The following PEX5 variants were observed in gnomAD, a reference collection of about 807,000 sequenced individuals.
PEX5 encodes PTS1 receptor.
In PEX5, 52 loss-of-function variants were observed where a neutral mutation model predicts 82.9. The ratio of observed to expected loss-of-function variants is 0.63; its 90% CI spans 0.50 to 0.79. The LOEUF (loss-of-function observed/expected upper bound fraction) is 0.79. Ranked by LOEUF, PEX5 falls within the 30% of genes least tolerant of loss-of-function variation. The probability of loss-of-function intolerance (pLI) is 0.00; values close to 1 mark genes in which losing one functional copy is unlikely to be tolerated. For missense variants in PEX5, 719 were observed against 815.2 expected, an observed-to-expected ratio of 0.88 and a Z score of 1.44; for synonymous variants, 300 against 318.8, an observed-to-expected ratio of 0.94 and a Z score of 0.63.
chr12:7,202,126 T>G (rs1944148060), intron 7 of PEX5, 115 bp from the exon 8 acceptor site: 6 of 1,508,654 alleles, frequency 4.0e-6, no homozygotes, highest in Non-Finnish European at 5.5e-6. Context: ...GCATATCTTG[T>G]CTGCAGCTAG....
intron 5 of PEX5, among the ~76,000 whole-genome samples, chr12:7,195,942 T>A (rs746674417): frequency 2.5e-4 from 38 of 150,220 alleles, no homozygotes; most frequent in South Asian, 4.2e-4. Context: ...AGAATCTGTA[T>A]TTAATTTTTG....
intron 10 of PEX5, 88 bp downstream of exon 10, chr12:7,203,639 T>A (rs1944423817): frequency 7.4e-7 from 1 of 1,349,732 alleles, no homozygotes; most frequent in Non-Finnish European, 1.0e-6. Context: ...AGGGTGCTTT[T>A]AAGTATTTTC....
chr12:7,200,630 G>A (rs1385676607), intron 6 of PEX5, among the ~76,000 whole-genome samples: 2 of 152,180 alleles, frequency 1.3e-5, no homozygotes, highest in Non-Finnish European at 2.9e-5. Flanking sequence ...GACTCCGTCT[G>A]CAATCCCGGC....
Position 7,209,689 on chromosome 12 carries a change from T to C in PEX5, c.1567T>C (p.Leu523=), listed in dbSNP as rs144165818. 285 of 1,130,794 alleles carry C rather than the reference T, an allele frequency of 2.5e-4. No individual in the cohort carries two copies. Among genetic ancestry groups the C allele is most frequent in the Non-Finnish European group, 3.0e-4 (274 of 907,626 alleles). The allele number at this position is 1,130,794 out of a possible 1,614,324, so 70.0% of individuals were successfully genotyped here. The change falls in exon 15 of 16, where the codon TTG becomes CTG. Residue 523 remains leucine, a synonymous_variant. Coordinates refer to ENST00000675855, the MANE Select transcript of PEX5 (RefSeq NM_001351132.2). ...AALSVRPNDY[L]LWNKLGATLA... is the part of the protein sequence containing the mutation. ...TTCTGCATCCCTATCCCAGGACTATTTGCTGTGGAATAAGCTAGGCGCCAC... is the reference window on the plus strand; with the variant it reads ...TTCTGCATCCCTATCCCAGGACTATCTGCTGTGGAATAAGCTAGGCGCCAC...
intron 3 of PEX5, 91 bp from the exon 4 acceptor site, chr12:7,191,135 A>G: frequency 6.9e-7 from 1 of 1,444,286 alleles, no homozygotes; most frequent in Non-Finnish European, 9.8e-7. Flanking sequence ...CTTTCCTTGT[A>G]TCTAACATTG....
chr12:7,192,405 G>T (rs1347964537), intron 5 of PEX5, among the ~76,000 whole-genome samples: 1 of 152,166 alleles, frequency 6.6e-6, no homozygotes, highest in East Asian at 1.9e-4. Flanking sequence ...TGTCAGGCCT[G>T]CAATTTATCT....
Position 7,190,395 on chromosome 12 carries a change from G to A in PEX5, c.18G>A (p.Leu6=), listed in dbSNP as rs755708021. 8.1e-6 allele frequency: 13 copies of A among 1,614,224 alleles called. No homozygotes were observed. The highest frequency in any genetic ancestry group is 6.6e-5 in the South Asian group (6 of 91,092). ...CGGTCACCATGGCAATGCGGGAGCT[G>A]GTGGAGGCCGAATGCGGGGGTGCCA... MAMRE[L]VEAECGGANP... Residue 6 remains leucine (L), a synonymous_variant, in exon 2 of 16, where the codon CTG becomes CTA. Transcript: ENST00000675855.
downstream of PEX5, among the ~76,000 whole-genome samples, chr12:7,215,665 T>C (rs142350058): frequency 1.4e-3 from 218 of 152,270 alleles, no homozygotes; most frequent in Non-Finnish European, 2.5e-3. Context: ...CCACAGATTC[T>C]CACTTATAAG....
Position 7,190,425 on chromosome 12 carries a change from G to T in PEX5, c.48G>T (p.Pro16=). 1.2e-6 allele frequency: 2 copies of T among 1,614,220 alleles called. No homozygotes were observed. Among genetic ancestry groups the T allele is most frequent in the Non-Finnish European group, 1.7e-6 (2 of 1,180,040 alleles). The change falls in exon 2 of 16, where the codon CCG becomes CCT. Residue 16 remains proline (P), a synonymous_variant. Coordinates refer to ENST00000675855, the MANE Select transcript of PEX5 (RefSeq NM_001351132.2). ...LVEAECGGAN[P]LMKLAGHFTQ... ...AGGCCGAATGCGGGGGTGCCAACCC[G>T]CTCATGAAGCTCGCCGGGCACTTCA...
intron 4 of PEX5, 64 bp downstream of exon 4, chr12:7,191,422 T>C (rs1941094259): frequency 1.2e-6 from 2 of 1,607,806 alleles, no homozygotes; most frequent in Non-Finnish European, 1.7e-6. Flanking sequence ...AGGAAGGGGG[T>C]TCCATTGGAT....
rs1940589042 is a variant in PEX5, at chr12:7,189,780, GCCGCGTCCCTGGGC to G, written c.-17+33_-17+46del. 13 of 150,304 alleles carry G rather than the reference GCCGCGTCCCTGGGC, an allele frequency of 8.6e-5. No individual in the cohort carries two copies. In the East Asian group the frequency reaches 1.4e-3, roughly 16 times the overall value. 9.3% of individuals were successfully genotyped at this position (150,304 alleles called of 1,614,324 possible). A position where few individuals can be genotyped will look rare whatever the true frequency, so the allele number is the denominator to read the frequency against. On this transcript the variant is annotated intron_variant, in intron 1 of 15. Transcript: ENST00000675855. The stretch of plus-strand genomic sequence containing the variant: ...GCGCCTGACCCCGAGGGGGCCCGGG[GCCGCGTCCCTGGGC>G]CCTCCCCACCCTTGCGGTGGCCTCG...
At chr12:7,212,095 A>AGAT (rs1270430703), downstream of PEX5, among the ~76,000 whole-genome samples, 1 of 151,802 alleles carries the variant, frequency 6.6e-6, no homozygotes, top group African/African-American at 2.4e-5. Context: ...CTTCCTAAGT[A>AGAT]GATGGGATTA....
chr12:7,209,479 C>T (rs1779656417), intron 14 of PEX5, among the ~76,000 whole-genome samples: 1 of 99,398 alleles, frequency 1.0e-5, no homozygotes, highest in South Asian at 3.4e-4. Flanking sequence ...GTCATCTGGA[C>T]ATAAGAGAGT....
At chr12:7,192,917 A>G (rs1160286035) in intron 5 of PEX5, among the ~76,000 whole-genome samples, 1 of 152,238 alleles carries the variant, frequency 6.6e-6, no homozygotes, top group African/African-American at 2.4e-5. Context: ...GCTTCTCCGC[A>G]CACAAGAGAA....
rs1945200736 is a variant in PEX5, at chr12:7,209,145, C to T, written c.1535C>T (p.Thr512Ile). The stretch of plus-strand genomic sequence containing the variant: ...TATGACAAGGCCGTGGACTGCTTCA[C>T]AGCTGCCCTCAGCGTTCGTCCCAAT... ...GEYDKAVDCF[T>I]AALSVRPNDY... Residue 512 changes from threonine to isoleucine, a missense_variant, in exon 14 of 16, where the codon ACA (threonine) becomes ATA (isoleucine). By Grantham distance (89) the Thr-to-Ile change is moderately conservative. Coordinates refer to ENST00000675855, the MANE Select transcript of PEX5 (RefSeq NM_001351132.2). The T allele has an allele frequency of 6.2e-7, 1 of 1,613,898 alleles. No homozygotes were observed. The highest frequency in any genetic ancestry group is 1.7e-5 in the Admixed American group (1 of 59,994).
downstream of PEX5, among the ~76,000 whole-genome samples, chr12:7,212,542 A>T (rs1591818097): frequency 6.6e-6 from 1 of 151,860 alleles, no homozygotes; most frequent in East Asian, 1.9e-4. Flanking sequence ...TAAATTGTCC[A>T]GACAGTGAAA....
chr12:7,191,111 G>A, intron 3 of PEX5, 115 bp from the exon 4 acceptor site: 1 of 1,285,060 alleles, frequency 7.8e-7, no homozygotes, highest in Non-Finnish European at 1.1e-6. Context: ...TGTGTCTCCA[G>A]TTTCTGTGTT....
Position 7,190,455 on chromosome 12 carries a change from G to A in PEX5, c.78G>A (p.Gln26=). 6.2e-7 allele frequency: 1 copy of A among 1,614,198 alleles called. No individual in the cohort carries two copies. Among genetic ancestry groups the A allele is most frequent in the Non-Finnish European group, 8.5e-7 (1 of 1,180,034 alleles). ...PLMKLAGHFT[Q]DKALRQEGLR... ...TGAAGCTCGCCGGGCACTTCACCCA[G>A]GACAAGGCCCTTCGGCAGGAGGGAT... is the stretch of plus-strand genomic sequence containing the variant. The change falls in exon 2 of 16, where the codon CAG becomes CAA. Residue 26 remains glutamine (Q), a synonymous_variant. Coordinates refer to ENST00000675855, the MANE Select transcript of PEX5 (RefSeq NM_001351132.2).
intron 1 of PEX5, 41 bp downstream of exon 1, chr12:7,189,791 G>A (rs1940594493): frequency 8.2e-6 from 5 of 606,126 alleles, no homozygotes; most frequent in African/African-American, 3.8e-5. Context: ...CCGCGTCCCT[G>A]GGCCCTCCCC....
Sources: gnomAD v4.1 joint callset for allele counts (sites outside exome capture counted in the v4.1 genomes callset) on GRCh38, gnomAD v4.1.1 for gene constraint, MANE v1.5 for transcripts, NCBI Gene and HGNC (gene_info 2026-07-23, HGNC 2026-07-21) for gene names.